The following WDFY1 variants were observed in gnomAD, a reference collection of about 807,000 sequenced individuals.
WDFY1 encodes WD repeat and FYVE domain-containing protein 1.
A neutral mutation model predicts 56.4 loss-of-function variants in WDFY1; 32 were observed. The ratio of observed to expected loss-of-function variants is 0.57; its 90% CI spans 0.43 to 0.76. WDFY1 has a LOEUF of 0.76. Ranked by LOEUF, WDFY1 falls within the 30% of genes least tolerant of loss-of-function variation. WDFY1 has a pLI of 0.00. For synonymous variants in WDFY1, 192 were observed against 197.3 expected (o/e 0.97, Z 0.23); for missense variants, 480 against 545.7 (o/e 0.88, Z 1.20).
At chr2:223,910,741 GCAAAA>G (rs1475347354) in intron 3 of WDFY1, among the ~76,000 whole-genome samples, 2 of 151,960 alleles carry the variant, frequency 1.3e-5, no homozygotes, top group Non-Finnish European at 2.9e-5. Flanking sequence ...CAAAAACAAA[GCAAAA>G]CAAAACAAGC....
chr2:223,910,152 G>GA (rs147731028), intron 3 of WDFY1, among the ~76,000 whole-genome samples: 48,815 of 151,200 alleles, frequency 0.32, 8,979 homozygotes, highest in Non-Finnish European at 0.42. Flanking sequence ...CTTAAATGGG[G>GA]GAAAAAAAAT....
At chr2:223,892,512 T>A (rs1187282263) in intron 8 of WDFY1, among the ~76,000 whole-genome samples, 2 of 152,242 alleles carry the variant, frequency 1.3e-5, no homozygotes, top group East Asian at 3.8e-4. Context: ...AGATTACACA[T>A]TTCTTGTGGG....
Position 223,878,564 on chromosome 2 carries a change from G to T in WDFY1, c.*107C>A, listed in dbSNP as rs901447480. On this transcript the variant is annotated 3_prime_UTR_variant, in exon 12 of 12. Coordinates refer to ENST00000233055, the MANE Select transcript of WDFY1 (RefSeq NM_020830.5). Reference sequence around the variant, plus strand: ...TCTTTTTAAAAATGTTGATTTGTTTGTAAGTGGCTACTGTCCATTCACGAG... The same window carrying T: ...TCTTTTTAAAAATGTTGATTTGTTTTTAAGTGGCTACTGTCCATTCACGAG... 8.6e-5 allele frequency: 69 copies of T among 801,920 alleles called. No homozygotes were observed. The African/African-American group carries it at 1.0e-3, about 12-fold the overall frequency. 49.7% of individuals were successfully genotyped at this position (801,920 alleles called of 1,614,324 possible).
At chr2:223,905,534 T>C (rs1435493635) in intron 4 of WDFY1, among the ~76,000 whole-genome samples, 1 of 152,040 alleles carries the variant, frequency 6.6e-6, no homozygotes, top group African/African-American at 2.4e-5. Context: ...ATTATAGGAT[T>C]AGAGTCAGAA....
intron 10 of WDFY1, 108 bp from the exon 11 acceptor site, chr2:223,880,340 C>T: frequency 1.1e-6 from 1 of 928,374 alleles, no homozygotes. Context: ...GGTGCAGTGG[C>T]TCATGTCTGT....
chr2:223,892,870 C>T (rs1029494978), intron 8 of WDFY1, among the ~76,000 whole-genome samples: 1 of 152,224 alleles, frequency 6.6e-6, no homozygotes, highest in Non-Finnish European at 1.5e-5. Flanking sequence ...AATACATTCA[C>T]TTGAGTTTCC....
At chr2:223,895,915 T>C (rs527673466) in intron 6 of WDFY1, among the ~76,000 whole-genome samples, 11 of 152,080 alleles carry the variant, frequency 7.2e-5, no homozygotes, top group African/African-American at 2.4e-4. Flanking sequence ...CCCAGCACTT[T>C]GGGAGGCCAA....
Position 223,899,072 on chromosome 2 carries a change from TGAG to T in WDFY1, c.486-5_486-3del, listed in dbSNP as rs1168570073. On this transcript the variant is annotated splice_polypyrimidine_tract_variant and splice_region_variant and intron_variant, in intron 5 of 11. Transcript: ENST00000233055. Reference sequence around the variant, plus strand: ...GCATACTGAGTGTCAAAGTCATATCTGAGGAGAAGCAGTCAAGGATGTAGAACA... The same window carrying T: ...GCATACTGAGTGTCAAAGTCATATCTGAGAAGCAGTCAAGGATGTAGAACA... The T allele has an allele frequency of 9.9e-6, 16 of 1,612,648 alleles. No individual in the cohort carries two copies. The highest frequency in any genetic ancestry group is 1.3e-5 in the Non-Finnish European group (15 of 1,178,684).
chr2:223,929,344 T>C (rs1694039378), intron 1 of WDFY1, among the ~76,000 whole-genome samples: 1 of 151,872 alleles, frequency 6.6e-6, no homozygotes, highest in South Asian at 2.1e-4. Flanking sequence ...CCCACCACCA[T>C]GCCCAGCTAA....
Position 223,877,333 on chromosome 2 carries a change from G to A in WDFY1, c.*1338C>T, listed in dbSNP as rs949525581. The stretch of plus-strand genomic sequence containing the variant: ...TTTTTTTTTTAATCAATATCTATTA[G>A]TAAGATTAGCAAAGATACTGTTGCT... On this transcript the variant is annotated 3_prime_UTR_variant, in exon 12 of 12. Coordinates refer to ENST00000233055, the MANE Select transcript of WDFY1 (RefSeq NM_020830.5). 3 of 151,482 alleles carry A rather than the reference G, an allele frequency of 2.0e-5. No homozygotes were observed. The highest frequency in any genetic ancestry group is 7.3e-5 in the African/African-American group (3 of 41,180). The allele number at this position is 151,482 out of a possible 1,614,324, so 9.4% of individuals were successfully genotyped here. A position where few individuals can be genotyped will look rare whatever the true frequency, so the allele number is the denominator to read the frequency against.
Position 223,901,335 on chromosome 2 carries a change from T to C in WDFY1, c.335-2A>G. 3 of 1,614,018 alleles carry C rather than the reference T, an allele frequency of 1.9e-6. No homozygotes were observed. Among genetic ancestry groups the C allele is most frequent in the Non-Finnish European group, 2.5e-6 (3 of 1,179,972 alleles). ...TCGCAGACACCCGGTTCTGATGAGC[T>C]GCAGGAACAGAAAGGTGAACAGATG... On this transcript the variant is annotated splice_acceptor_variant, in intron 4 of 11. Coordinates refer to ENST00000233055, the MANE Select transcript of WDFY1 (RefSeq NM_020830.5). LOFTEE classifies it high-confidence loss of function.
rs78207168 is a variant in WDFY1 at position 223,944,253 on chromosome 2, G to A, written c.137+895C>T. Among the ~76,000 whole-genome samples the A allele has an allele frequency of 8.6e-3, 1,316 of 152,344 alleles. 46 individuals are homozygous for A. In the East Asian group the frequency reaches 0.11, roughly 12 times the overall value. On this transcript the variant is annotated intron_variant, in intron 1 of 11. Coordinates refer to ENST00000233055, the MANE Select transcript of WDFY1 (RefSeq NM_020830.5). ...GCAAAGAAGCAAGCCCCGGGCACCAGGGTCCGCAGTGACCAGCCGCCGGTC... is the reference window on the plus strand; with the variant it reads ...GCAAAGAAGCAAGCCCCGGGCACCAAGGTCCGCAGTGACCAGCCGCCGGTC...
At chr2:223,893,145 GAAATTTGTCTGAAATAAAT>G (rs1243237367) in intron 8 of WDFY1, among the ~76,000 whole-genome samples, 1 of 152,112 alleles carries the variant, frequency 6.6e-6, no homozygotes, top group Non-Finnish European at 1.5e-5. Flanking sequence ...TCTATTTCCA[GAAATTTGTCTGAAATAAAT>G]AATTGATCAA....
chr2:223,930,872 A>G (rs1694061840), intron 1 of WDFY1, among the ~76,000 whole-genome samples: 1 of 152,226 alleles, frequency 6.6e-6, no homozygotes, highest in Non-Finnish European at 1.5e-5. Flanking sequence ...GAAAGAGTCC[A>G]GCTAAGCTCA....
At chr2:223,942,825 G>C (rs1055514478) in intron 1 of WDFY1, among the ~76,000 whole-genome samples, 1 of 147,156 alleles carries the variant, frequency 6.8e-6, no homozygotes, top group Admixed American at 7.0e-5. Flanking sequence ...GTGAGCCACC[G>C]CGCCCGGCCC....
At position 223,878,714 on chromosome 2, in the gene WDFY1, G is replaced by C. The variant is rs1303803180; in HGVS notation, c.1190C>G (p.Pro397Arg). The C allele has an allele frequency of 6.2e-7, 1 of 1,613,914 alleles. No individual in the cohort carries two copies. Among genetic ancestry groups the C allele is most frequent in the Non-Finnish European group, 8.5e-7 (1 of 1,179,950 alleles). ...DRIVKIWDMT[P>R]VVGCSLATGF... The stretch of plus-strand genomic sequence containing the variant: ...AGTCGCCAGACTGCAGCCCACCACA[G>C]GTGTCATGTCCCAGATCTACAAGGA... The change falls in exon 12 of 12, where the codon CCT (proline) becomes CGT (arginine). Residue 397 changes from proline to arginine, a missense_variant. Physicochemically the swap from Pro to Arg is moderately radical, Grantham distance 103. Transcript: ENST00000233055.
intron 1 of WDFY1, among the ~76,000 whole-genome samples, chr2:223,921,606 T>G (rs1322960732): frequency 6.6e-6 from 1 of 152,138 alleles, no homozygotes; most frequent in East Asian, 1.9e-4. Context: ...GATTTTTTTT[T>G]TTTTGACAGG....
In WDFY1 at chr2:223,895,933, G is replaced by A. The variant is rs148650407; in HGVS notation, c.599-303C>T. On this transcript the variant is annotated intron_variant, in intron 6 of 11. Transcript: ENST00000233055. ...AGCACTTTGGGAGGCCAAGGAGGGCGAATCACTTGAAGCCAGGAGTTCAAG... is the reference window on the plus strand; with the variant it reads ...AGCACTTTGGGAGGCCAAGGAGGGCAAATCACTTGAAGCCAGGAGTTCAAG... Among the ~76,000 whole-genome samples, 298 of 151,940 alleles carry A rather than the reference G, an allele frequency of 2.0e-3. 2 individuals are homozygous for A. The highest frequency in any genetic ancestry group is 7.0e-3 in the African/African-American group (289 of 41,444).
rs1692954882 is a variant in WDFY1 at position 223,875,601 on chromosome 2, A to C, written c.*3070T>G. On this transcript the variant is annotated 3_prime_UTR_variant, in exon 12 of 12. Coordinates refer to ENST00000233055, the MANE Select transcript of WDFY1 (RefSeq NM_020830.5). ...TAATACAAATTTGTTGCACAATTAA[A>C]CTTCAACTTACTCAAAGAGTTATTG... 1 of 152,250 alleles carries C rather than the reference A, an allele frequency of 6.6e-6. No individual in the cohort carries two copies. Among genetic ancestry groups the C allele is most frequent in the African/African-American group, 2.4e-5 (1 of 41,462 alleles). 9.4% of individuals were successfully genotyped at this position (152,250 alleles called of 1,614,324 possible).
Sources: gnomAD v4.1 joint callset for allele counts (sites outside exome capture counted in the v4.1 genomes callset) on GRCh38, gnomAD v4.1.1 for gene constraint, MANE v1.5 for transcripts, NCBI Gene and HGNC (gene_info 2026-07-23, HGNC 2026-07-21) for gene names.